Variants in SVEP1 observed in about 807,000 individuals in gnomAD.
SVEP1 encodes sushi, von Willebrand factor type A, EGF and pentraxin domain-containing protein 1.
In SVEP1, 164 loss-of-function variants were observed where a neutral mutation model predicts 367.3. That is an observed-to-expected ratio of 0.45 (90% CI 0.39 to 0.51). The LOEUF (loss-of-function observed/expected upper bound fraction) is 0.51. Ranked by LOEUF, SVEP1 falls within the 20% of genes least tolerant of loss-of-function variation. The pLI, the probability that SVEP1 is intolerant of heterozygous loss-of-function variation, is 0.00. For synonymous variants in SVEP1, 1,666 were observed against 1,611.6 expected (o/e 1.03, Z -0.81); for missense variants, 4,117 against 4,425.3 (o/e 0.93, Z 1.98).
chr9:110,465,206 T>C (rs1828915903), intron 18 of SVEP1, among the ~76,000 whole-genome samples: 1 of 152,062 alleles, frequency 6.6e-6, no homozygotes, highest in African/African-American at 2.4e-5. Flanking sequence ...ACAATCTGTC[T>C]TAAAAAGCTC....
intron 37 of SVEP1, among the ~76,000 whole-genome samples, chr9:110,410,003 A>T (rs1828022090): frequency 6.6e-6 from 1 of 151,940 alleles, no homozygotes. Flanking sequence ...CTCTAGAAAT[A>T]TTTATTAAAT....
intron 9 of SVEP1, among the ~76,000 whole-genome samples, chr9:110,488,631 G>A (rs55755023): frequency 0.028 from 4,281 of 152,186 alleles, 192 homozygotes; most frequent in African/African-American, 0.098. Context: ...GGAGGCCAAC[G>A]TGAGAGGATC....
intron 37 of SVEP1, among the ~76,000 whole-genome samples, chr9:110,410,234 T>C (rs1429432170): frequency 2.0e-5 from 3 of 152,348 alleles, no homozygotes; most frequent in South Asian, 2.1e-4. Flanking sequence ...AATTAGAATA[T>C]GGTCAATTTC....
chr9:110,538,559 T>C (rs1241711719), intron 3 of SVEP1, among the ~76,000 whole-genome samples: 13 of 152,114 alleles, frequency 8.5e-5, no homozygotes, highest in Non-Finnish European at 1.5e-5. Flanking sequence ...TTTACACGTA[T>C]AATAAGATAC....
intron 3 of SVEP1, among the ~76,000 whole-genome samples, chr9:110,532,485 G>A (rs1218872058): frequency 2.0e-5 from 3 of 152,130 alleles, no homozygotes; most frequent in Non-Finnish European, 4.4e-5. Flanking sequence ...TGCACAAGTG[G>A]ATTCATGAAA....
chr9:110,406,774 A>G lies in SVEP1; in HGVS notation c.8826T>C (p.Pro2942=), dbSNP rs1384240890. The change falls in exon 38 of 48, where the codon CCT becomes CCC. Residue 2942 remains proline, a synonymous_variant. Transcript: ENST00000374469. ...QSDGNWDAEI[P]LCKPVNCGPP... is the part of the protein sequence containing the mutation. ...GTCCACAGTTGACTGGTTTACAGAG[A>G]GGAATCTCTGCATCCCAGTTGCCAT... 1 of 1,614,042 alleles carries G rather than the reference A, an allele frequency of 6.2e-7. No homozygotes were observed. Among genetic ancestry groups the G allele is most frequent in the Non-Finnish European group, 8.5e-7 (1 of 1,179,894 alleles).
chr9:110,413,537 AT>A (rs1182793123), intron 36 of SVEP1, among the ~76,000 whole-genome samples: 1 of 151,902 alleles, frequency 6.6e-6, no homozygotes, highest in Non-Finnish European at 1.5e-5. Flanking sequence ...AACTTAAAGT[AT>A]AATAATAAAA....
At chr9:110,476,590 C>G (rs10980405) in intron 13 of SVEP1, among the ~76,000 whole-genome samples, 129,069 of 152,082 alleles carry the variant, frequency 0.85, 54,895 homozygotes, top group East Asian at 0.99. Flanking sequence ...TCTAAACTTT[C>G]GCTATATGGC....
At chr9:110,376,406 C>A (rs1406137397) in intron 45 of SVEP1, among the ~76,000 whole-genome samples, 1 of 152,212 alleles carries the variant, frequency 6.6e-6, no homozygotes, top group Non-Finnish European at 1.5e-5. Flanking sequence ...TTGGGGTGAG[C>A]TGGAAGAGAA....
At chr9:110,451,919 C>A (rs1412627900) in intron 22 of SVEP1, among the ~76,000 whole-genome samples, 4 of 152,134 alleles carry the variant, frequency 2.6e-5, no homozygotes, top group Non-Finnish European at 2.9e-5. Flanking sequence ...TTATTCATAG[C>A]CTTTATTTTA....
intron 34 of SVEP1, 103 bp from the exon 35 acceptor site, chr9:110,429,437 GA>G (rs1231362917): frequency 1.3e-5 from 11 of 853,734 alleles, no homozygotes; most frequent in Non-Finnish European, 1.8e-5. Context: ...ATACATATTG[GA>G]AAAGTTGATT....
At chr9:110,480,502 T>A (rs968329066) in intron 12 of SVEP1, among the ~76,000 whole-genome samples, 2 of 152,202 alleles carry the variant, frequency 1.3e-5, no homozygotes, top group Admixed American at 6.5e-5. Flanking sequence ...TTTATAACAA[T>A]GTATATTTAA....
rs969473495 is a variant in SVEP1 at position 110,410,939 on chromosome 9, T to C, written c.6648+124A>G. The C allele has an allele frequency of 1.9e-4, 145 of 753,138 alleles. 1 individual carries two copies. In the African/African-American group the frequency reaches 2.4e-3, roughly 13 times the overall value. The allele number at this position is 753,138 out of a possible 1,614,324, so 46.7% of individuals were successfully genotyped here. On this transcript the variant is annotated intron_variant, in intron 37 of 47. Coordinates refer to ENST00000374469, the MANE Select transcript of SVEP1 (RefSeq NM_153366.4). ...CATGATTCTTTGTTAGTGATAATAG[T>C]AAATTCCAGTTTCCATGCCTTAGTG...
In SVEP1 at chr9:110,366,578, A is replaced by AG; in HGVS notation, c.10695-19dup. The stretch of plus-strand genomic sequence containing the variant: ...TCCTTTTCCTGGAAAAAAAAAAAAA[A>AG]GCAACCAAATAGATTCAAAAGAAAA... On this transcript the variant is annotated intron_variant, in intron 47 of 47. Transcript: ENST00000374469. 3 of 1,526,224 alleles carry AG rather than the reference A, an allele frequency of 2.0e-6. No individual in the cohort carries two copies. The highest frequency in any genetic ancestry group is 1.8e-6 in the Non-Finnish European group (2 of 1,138,806). The allele number at this position is 1,526,224 out of a possible 1,614,324, so 94.5% of individuals were successfully genotyped here. A position where few individuals can be genotyped will look rare whatever the true frequency, so the allele number is the denominator to read the frequency against.
chr9:110,429,399 CA>C, intron 34 of SVEP1, 65 bp from the exon 35 acceptor site: 6 of 1,128,536 alleles, frequency 5.3e-6, no homozygotes, highest in South Asian at 2.3e-5. Flanking sequence ...TTATCTGTGC[CA>C]AAAACCTCTA....
chr9:110,411,277 C>T lies in SVEP1; in HGVS notation c.6434G>A (p.Arg2145Gln), dbSNP rs750478793. The T allele has an allele frequency of 3.1e-5, 50 of 1,613,894 alleles. No individual in the cohort carries two copies. The highest frequency in any genetic ancestry group is 5.0e-5 in the Admixed American group (3 of 59,994). ...SPMSIQCIPV[R>Q]CGEPPSIMNG... ...CATGATGCTTGGTGGCTCTCCACAC[C>T]GCACAGGGATGCACTGGATGGACAT... is the stretch of plus-strand genomic sequence containing the variant. Residue 2145 changes from arginine to glutamine, a missense_variant, in exon 37 of 48, where the codon CGG (arginine) becomes CAG (glutamine). This residue lies in a region of SVEP1 where 1,765 missense variants were observed against 1,781.1 expected (regional missense o/e 0.99). Transcript: ENST00000374469.
chr9:110,455,671 T>C lies in SVEP1; in HGVS notation c.3706A>G (p.Ser1236Gly). ...CCATTGTTGAGGCAAGGCAGTGGGC[T>C]GCACTCATCGATGTCTGTTTCACAC... Reference protein sequence around the residue: ...LKCETDIDECSPLPCLNNGVC... With the variant: ...LKCETDIDECGPLPCLNNGVC... Residue 1236 changes from serine to glycine, a missense_variant, in exon 22 of 48, where the codon AGC (serine) becomes GGC (glycine). By Grantham distance (56) the Ser-to-Gly change is moderately conservative (BLOSUM62 0). This residue lies in a region of SVEP1 where 2,174 missense variants were observed against 2,494.3 expected (regional missense o/e 0.87). Coordinates refer to ENST00000374469, the MANE Select transcript of SVEP1 (RefSeq NM_153366.4). 1 of 1,612,664 alleles carries C rather than the reference T, an allele frequency of 6.2e-7. No homozygotes were observed. The highest frequency in any genetic ancestry group is 8.5e-7 in the Non-Finnish European group (1 of 1,179,272).
intron 36 of SVEP1, among the ~76,000 whole-genome samples, chr9:110,427,269 G>A (rs1208938904): frequency 7.5e-6 from 1 of 133,210 alleles, no homozygotes; most frequent in Non-Finnish European, 1.5e-5. Flanking sequence ...ATGCACTCCA[G>A]CCTGGGCAAG....
intron 25 of SVEP1, 89 bp from the exon 26 acceptor site, chr9:110,446,127 C>A: frequency 1.7e-6 from 2 of 1,166,466 alleles, no homozygotes; most frequent in East Asian, 2.6e-5. Context: ...CAAAGAAGCT[C>A]ATTTCAGTGA....
Sources: gnomAD v4.1 joint callset for allele counts (sites outside exome capture counted in the v4.1 genomes callset) on GRCh38, gnomAD v4.1.1 for gene constraint, gnomAD v4.1.1 regional missense constraint, MANE v1.5 for transcripts, NCBI Gene and HGNC (gene_info 2026-07-23, HGNC 2026-07-21) for gene names.